Variants in CLYBL observed in about 807,000 individuals in gnomAD.
The protein encoded by CLYBL is citramalyl-CoA lyase, mitochondrial.
In CLYBL, 31 loss-of-function variants were observed where a neutral mutation model predicts 38.9. The observed-to-expected ratio is 0.80, with a 90% CI of 0.60 to 1.08. The LOEUF is 1.08. CLYBL is among the 50% of genes least tolerant of loss of function. The probability of loss-of-function intolerance (pLI) is 0.00; values close to 1 mark genes in which losing one functional copy is unlikely to be tolerated. For missense variants in CLYBL, 434 were observed against 411.6 expected (o/e 1.05, Z -0.47); for synonymous variants, 171 against 158.6 (o/e 1.08, Z -0.59).
intron 1 of CLYBL, among the ~76,000 whole-genome samples, chr13:99,650,253 A>G (rs2047233137): frequency 6.7e-6 from 1 of 148,256 alleles, no homozygotes; most frequent in Admixed American, 6.7e-5. Context: ...ACAGAGCCAG[A>G]CTCCGTCTCA....
At chr13:99,699,552 G>T (rs1233351447) in intron 1 of CLYBL, among the ~76,000 whole-genome samples, 1 of 151,508 alleles carries the variant, frequency 6.6e-6, no homozygotes, top group Non-Finnish European at 1.5e-5. Context: ...AATTAGGTGG[G>T]CATGGTGGCA....
intron 9 of CLYBL, among the ~76,000 whole-genome samples, chr13:99,907,029 G>A (rs1190632380): frequency 6.6e-6 from 1 of 152,198 alleles, no homozygotes; most frequent in Non-Finnish European, 1.5e-5. Context: ...GTTGCATCAT[G>A]TAAATTACAG....
intron 1 of CLYBL, among the ~76,000 whole-genome samples, chr13:99,753,212 G>A (rs1005024179): frequency 6.6e-6 from 1 of 152,154 alleles, no homozygotes; most frequent in Admixed American, 6.5e-5. Context: ...GGAGACGGAT[G>A]GGCCAGGCAG....
chr13:99,837,555 A>G lies in CLYBL; in HGVS notation c.250-21306A>G, dbSNP rs185002371. Among the ~76,000 whole-genome samples the G allele has an allele frequency of 2.0e-5, 3 of 152,370 alleles. No individual in the cohort carries two copies. In the East Asian group the frequency reaches 5.8e-4, roughly 29 times the overall value. On this transcript the variant is annotated intron_variant, in intron 2 of 8. Coordinates refer to ENST00000339105, the MANE Select transcript of CLYBL (RefSeq NM_206808.5). Reference sequence around the variant, plus strand: ...TGCTTTAGCCACAATATTTGCCAGTAGTGTTGCAAGTAGAAATGTCACCTA... The same window carrying G: ...TGCTTTAGCCACAATATTTGCCAGTGGTGTTGCAAGTAGAAATGTCACCTA...
At chr13:99,768,267 T>C (rs1169973974) in intron 1 of CLYBL, among the ~76,000 whole-genome samples, 2 of 135,916 alleles carry the variant, frequency 1.5e-5, no homozygotes, top group Non-Finnish European at 3.1e-5. Context: ...CTATCTCAGC[T>C]CACTGCAGCC....
At chr13:99,882,157 T>TTA (rs1167134470) in intron 7 of CLYBL, among the ~76,000 whole-genome samples, 2 of 152,174 alleles carry the variant, frequency 1.3e-5, no homozygotes, top group Non-Finnish European at 2.9e-5. Flanking sequence ...TAGAACTTTA[T>TTA]AATTATCCCA....
At chr13:99,844,822 G>A (rs1014234372) in intron 2 of CLYBL, among the ~76,000 whole-genome samples, 7 of 152,164 alleles carry the variant, frequency 4.6e-5, no homozygotes, top group African/African-American at 9.7e-5. Context: ...GACACCTAGC[G>A]CGTGGGCATT....
chr13:99,791,013 A>G (rs183884058), intron 2 of CLYBL, among the ~76,000 whole-genome samples: 1 of 152,300 alleles, frequency 6.6e-6, no homozygotes, highest in Admixed American at 6.5e-5. Flanking sequence ...GTAGAGATCT[A>G]TTTGGAGTCT....
intron 2 of CLYBL, among the ~76,000 whole-genome samples, chr13:99,787,534 G>C (rs563778743): frequency 1.3e-5 from 2 of 152,112 alleles, no homozygotes; most frequent in East Asian, 1.9e-4. Context: ...ATTTCTGAGG[G>C]CTCTGTTCTG....
chr13:99,647,240 C>T (rs1165546981), intron 1 of CLYBL, among the ~76,000 whole-genome samples: 1 of 152,142 alleles, frequency 6.6e-6, no homozygotes, highest in Non-Finnish European at 1.5e-5. Flanking sequence ...TTTTGATAGC[C>T]CCAGCTCAAG....
intron 7 of CLYBL, among the ~76,000 whole-genome samples, chr13:99,886,443 G>A (rs2052351950): frequency 6.6e-6 from 1 of 152,266 alleles, no homozygotes. Context: ...CGAGGTGTCA[G>A]AAAAACTACA....
intron 1 of CLYBL, among the ~76,000 whole-genome samples, chr13:99,717,558 C>T (rs999086254): frequency 9.9e-5 from 15 of 151,978 alleles, no homozygotes; most frequent in Admixed American, 2.0e-4. Context: ...CTCCCAGGCT[C>T]CCCGGATCCT....
At chr13:99,737,697 G>A (rs2048689989) in intron 1 of CLYBL, among the ~76,000 whole-genome samples, 1 of 152,160 alleles carries the variant, frequency 6.6e-6, no homozygotes, top group African/African-American at 2.4e-5. Context: ...AAACAGAACT[G>A]TCAAGAGTTA....
chr13:99,729,953 A>G (rs971059627), intron 1 of CLYBL, among the ~76,000 whole-genome samples: 1 of 151,838 alleles, frequency 6.6e-6, no homozygotes, highest in Admixed American at 6.6e-5. Flanking sequence ...TCGGTCCCTC[A>G]TCAGCATTGC....
intron 1 of CLYBL, among the ~76,000 whole-genome samples, chr13:99,732,640 GA>G (rs1185089021): frequency 6.6e-6 from 1 of 152,200 alleles, no homozygotes; most frequent in East Asian, 1.9e-4. Flanking sequence ...TGATCTCAGG[GA>G]ACATACCTAT....
chr13:99,757,311 A>G (rs2049081950), intron 1 of CLYBL, among the ~76,000 whole-genome samples: 2 of 152,224 alleles, frequency 1.3e-5, no homozygotes, highest in South Asian at 2.1e-4. Context: ...CTTGTACATA[A>G]TGGTAGCATT....
chr13:99,772,418 T>G (rs1305129158), intron 1 of CLYBL, among the ~76,000 whole-genome samples: 1 of 152,188 alleles, frequency 6.6e-6, no homozygotes, highest in African/African-American at 2.4e-5. Flanking sequence ...ATTATCCAGC[T>G]AGGCATGGTG....
chr13:99,821,206 C>G (rs2050581957), intron 2 of CLYBL, among the ~76,000 whole-genome samples: 1 of 152,154 alleles, frequency 6.6e-6, no homozygotes, highest in African/African-American at 2.4e-5. Flanking sequence ...CAGGCTCCCA[C>G]TATCCAAACT....
In CLYBL at chr13:99,849,317, G is replaced by A. The variant is rs1418314798; in HGVS notation, c.250-9544G>A. ...GCTTGAGCCCAGGAGTTTAAGACCA[G>A]CCTGGGCAACATAGTGAGACACTGT... On this transcript the variant is annotated intron_variant, in intron 2 of 8. Coordinates refer to ENST00000339105, the MANE Select transcript of CLYBL (RefSeq NM_206808.5). The surrounding 1 kb of genome is among the most constrained non-coding windows in gnomAD (Gnocchi z 4.9). Among the ~76,000 whole-genome samples the A allele has an allele frequency of 6.6e-6, 1 of 152,074 alleles. No homozygotes were observed. Among genetic ancestry groups the A allele is most frequent in the African/African-American group, 2.4e-5 (1 of 41,398 alleles).
Sources: gnomAD v4.1 joint callset for allele counts (sites outside exome capture counted in the v4.1 genomes callset) on GRCh38, gnomAD v4.1.1 for gene constraint, Gnocchi (gnomAD v3.1) non-coding constraint, MANE v1.5 for transcripts, NCBI Gene and HGNC (gene_info 2026-07-23, HGNC 2026-07-21) for gene names.